The following GLI3 variants were observed in gnomAD, a reference collection of about 807,000 sequenced individuals.
The protein encoded by GLI3 is transcription activator GLI3.
Under a neutral mutation model 100.8 loss-of-function variants are expected in GLI3, and 20 were observed. The ratio of observed to expected loss-of-function variants is 0.20; its 90% CI spans 0.14 to 0.29. GLI3 has a LOEUF of 0.29. Among genes scored for constraint, GLI3 ranks in the 10% least tolerant of loss-of-function variants. The pLI, the probability that GLI3 is intolerant of heterozygous loss-of-function variation, is 1.00. For synonymous variants in GLI3, 938 were observed against 860.5 expected, an observed-to-expected ratio of 1.09 and a Z score of -1.58; for missense variants, 2,040 against 2,128.5, an observed-to-expected ratio of 0.96 and a Z score of 0.82.
chr7:41,993,192 T>A (rs1788036841), intron 10 of GLI3, among the ~76,000 whole-genome samples: 1 of 152,052 alleles, frequency 6.6e-6, no homozygotes, highest in South Asian at 2.1e-4. Flanking sequence ...CACACTGACC[T>A]GGAGGCACAC....
Position 42,040,199 on chromosome 7 carries a change from G to C in GLI3, c.867C>G (p.Ser289Arg), listed in dbSNP as rs1784103672. 1 of 1,613,826 alleles carries C rather than the reference G, an allele frequency of 6.2e-7. No individual in the cohort carries two copies. Among genetic ancestry groups the C allele is most frequent in the Admixed American group, 1.7e-5 (1 of 60,000 alleles). Residue 289 changes from serine to arginine, a missense_variant, in exon 7 of 15, where the codon AGC becomes AGG. By Grantham distance (110) the Ser-to-Arg change is moderately radical. Around this residue, in one of 5 missense-constraint regions of GLI3, gnomAD observed 603 missense variants for 690.9 expected, o/e 0.87. Coordinates refer to ENST00000395925, the MANE Select transcript of GLI3 (RefSeq NM_000168.6). ...GTGATATGGACAGTGTACGTTTTCG[G>C]CTCGGCCTGGCTGACAGCCTGGGGC... The part of the protein sequence containing the change: ...FSSPRLSARP[S>R]RKRTLSISPL...
intron 1 of GLI3, among the ~76,000 whole-genome samples, chr7:42,234,094 A>G (rs1335106574): frequency 6.6e-6 from 1 of 152,232 alleles, no homozygotes; most frequent in Non-Finnish European, 1.5e-5. Context: ...TTTTAAGATA[A>G]TCTACTATAG....
chr7:42,240,647 T>C (rs1184543620), upstream of GLI3, among the ~76,000 whole-genome samples: 1 of 152,218 alleles, frequency 6.6e-6, no homozygotes, highest in Non-Finnish European at 1.5e-5. Context: ...GCACGAGTTA[T>C]ATTCTGTTAG....
At chr7:42,073,966 A>G (rs151298234) in intron 4 of GLI3, among the ~76,000 whole-genome samples, 2 of 152,318 alleles carry the variant, frequency 1.3e-5, no homozygotes, top group East Asian at 3.9e-4. Flanking sequence ...TAAGATTTCT[A>G]TAACCAAGCC....
intron 2 of GLI3, among the ~76,000 whole-genome samples, chr7:42,199,707 T>A (rs568502829): frequency 1.3e-5 from 2 of 152,334 alleles, no homozygotes; most frequent in African/African-American, 4.8e-5. Context: ...ATCGGATTTA[T>A]CCTGTGATGA....
intron 2 of GLI3, among the ~76,000 whole-genome samples, chr7:42,184,601 G>C (rs933415004): frequency 6.6e-6 from 1 of 152,166 alleles, no homozygotes. Context: ...TTTAATGAAT[G>C]AATGAATGAA....
In GLI3 at chr7:42,025,423, A is replaced by G. The variant is rs747842182; in HGVS notation, c.1243-46T>C. On this transcript the variant is annotated intron_variant, in intron 8 of 14. Coordinates refer to ENST00000395925, the MANE Select transcript of GLI3 (RefSeq NM_000168.6). ...GCCAGAGACAAAAAGATTTTCATCA[A>G]CAAGGAGCAGTACCATAATTAAAAC... 2.9e-5 allele frequency: 40 copies of G among 1,394,306 alleles called. No individual in the cohort carries two copies. The Admixed American group carries it at 6.0e-4, about 21-fold the overall frequency. 86.4% of individuals were successfully genotyped at this position (1,394,306 alleles called of 1,614,324 possible).
At chr7:42,134,080 CAAAA>C (rs11441623) in intron 3 of GLI3, among the ~76,000 whole-genome samples, 2 of 109,416 alleles carry the variant, frequency 1.8e-5, no homozygotes, top group African/African-American at 4.2e-5. Context: ...GACTCTGTCT[CAAAA>C]AAAAAAAAAA....
At chr7:42,259,740 C>T (rs1233824691) in intron 1 of GLI3, among the ~76,000 whole-genome samples, 1 of 152,176 alleles carries the variant, frequency 6.6e-6, no homozygotes, top group East Asian at 1.9e-4. Flanking sequence ...TCAGTAATCT[C>T]TGACAATTAG....
intron 2 of GLI3, among the ~76,000 whole-genome samples, chr7:42,173,772 G>A (rs906026156): frequency 6.6e-6 from 1 of 152,200 alleles, no homozygotes; most frequent in Non-Finnish European, 1.5e-5. Flanking sequence ...CAACAGGGGA[G>A]TTACCCAGGG....
At chr7:42,163,177 A>G (rs1436618825) in intron 2 of GLI3, among the ~76,000 whole-genome samples, 1 of 151,738 alleles carries the variant, frequency 6.6e-6, no homozygotes, top group Non-Finnish European at 1.5e-5. Flanking sequence ...GACTCAAACC[A>G]AGAGTTATCT....
In GLI3 at chr7:42,214,804, T is replaced by C. The variant is rs551266890; in HGVS notation, c.124+8326A>G. On this transcript the variant is annotated intron_variant, in intron 2 of 14. Coordinates refer to ENST00000395925, the MANE Select transcript of GLI3 (RefSeq NM_000168.6). ...AAAGCCCTTTAATATGGCTGTCTTGTAGTTTTAAACATAAAACGGAATTTT... is the reference window on the plus strand; with the variant it reads ...AAAGCCCTTTAATATGGCTGTCTTGCAGTTTTAAACATAAAACGGAATTTT... 3.6e-4 allele frequency among the ~76,000 whole-genome samples: 54 copies of C among 151,266 alleles called. 1 individual carries two copies. Among genetic ancestry groups the C allele is most frequent in the African/African-American group, 1.2e-3 (51 of 41,168 alleles).
chr7:42,027,887 A>G (rs1162267127), intron 7 of GLI3, among the ~76,000 whole-genome samples: 1 of 152,218 alleles, frequency 6.6e-6, no homozygotes. Flanking sequence ...CTGCAGCGTT[A>G]TAGTTACTGC....
intron 3 of GLI3, among the ~76,000 whole-genome samples, chr7:42,081,074 C>T (rs974367381): frequency 6.6e-6 from 1 of 152,184 alleles, no homozygotes; most frequent in Non-Finnish European, 1.5e-5. Context: ...GGAAGTGCCA[C>T]GAAACCTGGC....
At chr7:42,113,318 C>A in intron 3 of GLI3, 1 of 619,156 alleles carries the variant, frequency 1.6e-6, no homozygotes. Context: ...CCGCACACCA[C>A]CACATCCTGT....
intron 2 of GLI3, among the ~76,000 whole-genome samples, chr7:42,182,692 GTA>G (rs200753197): frequency 2.1e-5 from 2 of 93,244 alleles, no homozygotes; most frequent in African/African-American, 5.3e-5. Flanking sequence ...ACACATGTGT[GTA>G]TATATATATA....
chr7:42,128,494 G>A (rs1786191060), intron 3 of GLI3, among the ~76,000 whole-genome samples: 1 of 152,144 alleles, frequency 6.6e-6, no homozygotes, highest in South Asian at 2.1e-4. Context: ...ATCTTTGTAA[G>A]TAATTCTATA....
intron 3 of GLI3, among the ~76,000 whole-genome samples, chr7:42,146,039 T>A (rs1192681324): frequency 6.6e-6 from 1 of 152,202 alleles, no homozygotes; most frequent in Non-Finnish European, 1.5e-5. Context: ...TCTTTAGGAC[T>A]TCCCATCCAT....
chr7:42,116,993 T>C (rs1222663066), intron 3 of GLI3, among the ~76,000 whole-genome samples: 1 of 152,200 alleles, frequency 6.6e-6, no homozygotes, highest in African/African-American at 2.4e-5. Flanking sequence ...CTAAACAGTG[T>C]CTTTCCTCCA....
Sources: gnomAD v4.1 joint callset for allele counts (sites outside exome capture counted in the v4.1 genomes callset) on GRCh38, gnomAD v4.1.1 for gene constraint, gnomAD v4.1.1 regional missense constraint, MANE v1.5 for transcripts, NCBI Gene and HGNC (gene_info 2026-07-23, HGNC 2026-07-21) for gene names.